PCDHA4: variants seen among roughly 807,000 people sequenced by gnomAD.
PCDHA4 encodes protocadherin alpha-4.
PCDHA4 carries 49 observed loss-of-function variants against 61.4 expected under a neutral mutation model. The observed-to-expected ratio is 0.80, with a 90% confidence interval of 0.63 to 1.01. The LOEUF (loss-of-function observed/expected upper bound fraction) is 1.01. PCDHA4 is among the 50% of genes least tolerant of loss of function. The pLI is 0.00. For missense variants in PCDHA4, 1,254 were observed against 1,235.8 expected, an observed-to-expected ratio of 1.01 and a Z score of -0.22; for synonymous variants, 590 against 550.3, an observed-to-expected ratio of 1.07 and a Z score of -1.01.
At chr5:140,825,397 ATAT>A (rs1768543114) in intron 1 of PCDHA4, 1 of 145,834 alleles carries the variant, frequency 6.9e-6, no homozygotes. Context: ...TATATCTAAT[ATAT>A]TATATATTTT....
At chr5:140,896,099 C>T (rs1395621401) in intron 1 of PCDHA4, among the ~76,000 whole-genome samples, 1 of 152,236 alleles carries the variant, frequency 6.6e-6, no homozygotes, top group Non-Finnish European at 1.5e-5. Context: ...GCGTGAGCCA[C>T]TGTGCCTGGC....
chr5:140,822,336 A>G, intron 1 of PCDHA4: 1 of 1,614,204 alleles, frequency 6.2e-7, no homozygotes, highest in Non-Finnish European at 8.5e-7. Context: ...ATGAAGAAGA[A>G]ACGAACTTTT....
intron 1 of PCDHA4, among the ~76,000 whole-genome samples, chr5:140,832,954 A>G (rs1349608970): frequency 1.3e-5 from 2 of 152,204 alleles, no homozygotes; most frequent in Non-Finnish European, 2.9e-5. Flanking sequence ...AAGTGAGTAT[A>G]CAGAAAATTC....
At chr5:140,911,474 C>T (rs782702993) in intron 1 of PCDHA4, among the ~76,000 whole-genome samples, 45 of 152,144 alleles carry the variant, frequency 3.0e-4, no homozygotes, top group Non-Finnish European at 2.8e-4. Flanking sequence ...ATAAGACTCT[C>T]ACTCAGGGCA....
At position 140,849,787 on chromosome 5, in the gene PCDHA4, G is replaced by T. The variant is rs1421161535; in HGVS notation, c.2385+40215G>T. 3 of 1,598,342 alleles carry T rather than the reference G, an allele frequency of 1.9e-6. 1 individual carries two copies. In the African/African-American group the frequency reaches 4.0e-5, roughly 21 times the overall value. On this transcript the variant is annotated intron_variant, in intron 1 of 3. Transcript: ENST00000530339. Reference sequence around the variant, plus strand: ...CTGGTGGTTACCGCGCGGGACGGGGGCTCGCCTTCACTGTGGGCCACGGCC... The same window carrying T: ...CTGGTGGTTACCGCGCGGGACGGGGTCTCGCCTTCACTGTGGGCCACGGCC...
At chr5:140,810,993 T>A (rs1022983940) in intron 1 of PCDHA4, 1 of 152,154 alleles carries the variant, frequency 6.6e-6, no homozygotes, top group Non-Finnish European at 1.5e-5. Context: ...GGGTCAAGAT[T>A]TATTTTTATT....
intron 1 of PCDHA4, among the ~76,000 whole-genome samples, chr5:140,941,241 T>TTCTTTCTTTCTTTCTTTCTC (rs1585048929): frequency 7.1e-6 from 1 of 140,568 alleles, no homozygotes; most frequent in East Asian, 2.0e-4. Context: ...CTTTCTTTCT[T>TTCTTTCTTTCTTTCTTTCTC]TCTTTCTTTC....
intron 3 of PCDHA4, among the ~76,000 whole-genome samples, chr5:140,983,623 GA>G (rs1554245569): frequency 6.6e-6 from 1 of 152,202 alleles, no homozygotes; most frequent in African/African-American, 2.4e-5. Flanking sequence ...GAGAGATTAA[GA>G]AATGTACCCA....
At chr5:140,839,060 G>C (rs1253852063) in intron 1 of PCDHA4, among the ~76,000 whole-genome samples, 1 of 151,930 alleles carries the variant, frequency 6.6e-6, no homozygotes, top group Admixed American at 6.6e-5. Context: ...TAAGGATAGA[G>C]GTATGCAAAG....
rs782131323 is a variant in PCDHA4 at position 140,808,836 on chromosome 5, C to G, written c.1649C>G (p.Thr550Arg). ...AGVPPLGSNV[T>R]LQVFVLDEND... ...GTGCCACCTCTGGGCAGCAACGTGA[C>G]GCTGCAGGTGTTCGTGCTGGACGAA... is the stretch of plus-strand genomic sequence containing the variant. Residue 550 changes from threonine to arginine, a missense_variant, in exon 1 of 4, where the codon ACG becomes AGG. Transcript: ENST00000530339. 1 of 1,613,100 alleles carries G rather than the reference C, an allele frequency of 6.2e-7. No homozygotes were observed. The highest frequency in any genetic ancestry group is 2.2e-5 in the East Asian group (1 of 44,874).
intron 1 of PCDHA4, chr5:140,870,671 A>C (rs782353440): frequency 1.2e-6 from 2 of 1,612,606 alleles, no homozygotes; most frequent in East Asian, 2.2e-5. Flanking sequence ...CAGCCGTTGG[A>C]CCACGAGGAG....
At chr5:140,951,431 G>A (rs1003684083) in intron 1 of PCDHA4, among the ~76,000 whole-genome samples, 1 of 152,044 alleles carries the variant, frequency 6.6e-6, no homozygotes, top group Non-Finnish European at 1.5e-5. Context: ...TCCACAGGCT[G>A]TAGGAAGCAT....
intron 1 of PCDHA4, chr5:140,882,358 G>T (rs1554173779): frequency 3.7e-6 from 6 of 1,614,232 alleles, no homozygotes; most frequent in Middle Eastern, 1.7e-4. Flanking sequence ...GTAGTGGCCA[G>T]CTCCACTACT....
rs182752192 is a variant in PCDHA4 at position 140,839,718 on chromosome 5, T to A, written c.2385+30146T>A. ...TAAATAATGTGATGACAAATTTAAATCATTTCACAGAAAATACCCTTATTT... is the reference window on the plus strand; with the variant it reads ...TAAATAATGTGATGACAAATTTAAAACATTTCACAGAAAATACCCTTATTT... On this transcript the variant is annotated intron_variant, in intron 1 of 3. Transcript: ENST00000530339. Among the ~76,000 whole-genome samples the A allele has an allele frequency of 7.0e-4, 106 of 152,196 alleles. 2 individuals are homozygous for A. The highest frequency in any genetic ancestry group is 2.5e-3 in the African/African-American group (104 of 41,490).
intron 1 of PCDHA4, chr5:140,927,446 TG>T: frequency 2.1e-5 from 34 of 1,614,128 alleles, no homozygotes; most frequent in Non-Finnish European, 2.5e-5. Flanking sequence ...TACCCGGAGT[TG>T]GTGTTGGAGA....
chr5:140,812,144 G>GC, intron 1 of PCDHA4: 1 of 137,962 alleles, frequency 7.2e-6, no homozygotes, highest in African/African-American at 2.8e-5. Context: ...CTGGTTTTGG[G>GC]CTTTTGTTGT....
chr5:140,822,389 A>G, intron 1 of PCDHA4: 1 of 1,614,136 alleles, frequency 6.2e-7, no homozygotes, highest in South Asian at 1.1e-5. Context: ...GAAGAAACAC[A>G]AGAACACCGT....
intron 1 of PCDHA4, chr5:140,967,680 GGCAGCTCTTCA>G: frequency 6.2e-7 from 1 of 1,614,228 alleles, no homozygotes; most frequent in East Asian, 2.2e-5. Flanking sequence ...GACCGGGAGA[GGCAGCTCTTCA>G]GCATAGATGC....
rs150949805 is a variant in PCDHA4, at chr5:141,009,832, C to T, written c.2739C>T (p.Phe913=). The stretch of plus-strand genomic sequence containing the variant: ...TTGACAAAAGTGACTTCATAACCTT[C>T]GGCAAAAAGGAGGAGACCAAGAAAA... ...SQIDKSDFIT[F]GKKEETKKKK... The change falls in exon 4 of 4, where the codon TTC becomes TTT. Residue 913 remains phenylalanine (F), a synonymous_variant. Coordinates refer to ENST00000530339, the MANE Select transcript of PCDHA4 (RefSeq NM_018907.4). The T allele has an allele frequency of 7.1e-5, 114 of 1,613,408 alleles. No individual in the cohort carries two copies. The highest frequency in any genetic ancestry group is 9.2e-5 in the Non-Finnish European group (109 of 1,179,918).
Sources: allele counts gnomAD v4.1 joint callset (sites outside exome capture counted in the v4.1 genomes callset), GRCh38; gene constraint gnomAD v4.1.1; transcripts MANE v1.5; gene names NCBI Gene and HGNC (gene_info 2026-07-23, HGNC 2026-07-21).